CYB5A: variants seen among roughly 807,000 people sequenced by gnomAD.
CYB5A encodes cytochrome b5.
A neutral mutation model predicts 16.2 loss-of-function variants in CYB5A; 10 were observed. The ratio of observed to expected loss-of-function variants is 0.62; its 90% CI spans 0.38 to 1.04. The LOEUF (loss-of-function observed/expected upper bound fraction) is 1.04, where lower values mean the gene tolerates loss of function less well. CYB5A is among the 50% of genes least tolerant of loss of function. The pLI is 0.01. For missense variants in CYB5A, 161 were observed against 165.9 expected (o/e 0.97, Z 0.16); for synonymous variants, 62 against 57.0 (o/e 1.09, Z -0.40).
At chr18:74,286,512 T>G (rs1442325341) in intron 1 of CYB5A, among the ~76,000 whole-genome samples, 1 of 152,222 alleles carries the variant, frequency 6.6e-6, no homozygotes, top group Non-Finnish European at 1.5e-5. Flanking sequence ...CTACATATTT[T>G]TTCCAGTGTT....
chr18:74,289,732 C>T (rs1050467914), intron 1 of CYB5A, among the ~76,000 whole-genome samples: 2 of 148,138 alleles, frequency 1.4e-5, no homozygotes, highest in African/African-American at 5.0e-5. Context: ...GTCGAGATCA[C>T]ACCATTGCAC....
intron 1 of CYB5A, among the ~76,000 whole-genome samples, chr18:74,285,661 C>T (rs1310075360): frequency 6.6e-6 from 1 of 151,852 alleles, no homozygotes; most frequent in East Asian, 1.9e-4. Context: ...CCTAGGAGTT[C>T]GAGACCAGCC....
chr18:74,254,501 G>A (rs1275886951), intron 4 of CYB5A, among the ~76,000 whole-genome samples: 3 of 149,492 alleles, frequency 2.0e-5, no homozygotes, highest in African/African-American at 4.9e-5. Context: ...AAGGAGGGAT[G>A]AGCTATAATT....
intron 1 of CYB5A, among the ~76,000 whole-genome samples, chr18:74,288,221 G>C (rs967758462): frequency 2.6e-5 from 4 of 152,202 alleles, no homozygotes; most frequent in Non-Finnish European, 5.9e-5. Context: ...TTCAACCTGT[G>C]TTCTTGGCTT....
chr18:74,262,543 G>A (rs888319639), intron 2 of CYB5A, among the ~76,000 whole-genome samples: 6 of 152,178 alleles, frequency 3.9e-5, no homozygotes, highest in Admixed American at 1.3e-4. Flanking sequence ...TGATATTCTC[G>A]AAGGTCTGGG....
intron 2 of CYB5A, among the ~76,000 whole-genome samples, chr18:74,261,994 C>G (rs902709240): frequency 1.3e-5 from 2 of 152,182 alleles, no homozygotes; most frequent in African/African-American, 2.4e-5. Context: ...GCTGAGTGTG[C>G]GGCCCCAGGA....
intron 1 of CYB5A, among the ~76,000 whole-genome samples, chr18:74,269,054 C>A (rs1424226227): frequency 6.6e-6 from 1 of 152,248 alleles, no homozygotes; most frequent in South Asian, 2.1e-4. Context: ...AGGAAATATG[C>A]TTTAAAAGAT....
chr18:74,265,350 T>C (rs149670308), intron 1 of CYB5A, among the ~76,000 whole-genome samples: 111 of 152,316 alleles, frequency 7.3e-4, no homozygotes, highest in African/African-American at 2.4e-3. Flanking sequence ...TAATGTTGGA[T>C]AGAAACTGTG....
At chr18:74,276,192 C>T (rs1982867951) in intron 1 of CYB5A, among the ~76,000 whole-genome samples, 1 of 152,110 alleles carries the variant, frequency 6.6e-6, no homozygotes, top group Admixed American at 6.5e-5. Context: ...CCTTCAGAGA[C>T]TCAACATCCT....
In CYB5A at chr18:74,252,618, A is replaced by G. The variant is rs1381858649; in HGVS notation, c.*966T>C. ...TAAGCTGAGAGAATGGACAGTTGCG[A>G]TGCCCTCTCATGGTTCATGTGTTTT... On this transcript the variant is annotated 3_prime_UTR_variant, in exon 5 of 5. Transcript: ENST00000340533. The G allele has an allele frequency of 6.6e-6, 1 of 152,216 alleles. No homozygotes were observed. Among genetic ancestry groups the G allele is most frequent in the Non-Finnish European group, 1.5e-5 (1 of 68,052 alleles). The allele number at this position is 152,216 out of a possible 1,614,324, so 9.4% of individuals were successfully genotyped here. A position where few individuals can be genotyped will look rare whatever the true frequency, so the allele number is the denominator to read the frequency against.
intron 1 of CYB5A, among the ~76,000 whole-genome samples, chr18:74,290,626 C>T (rs756253613): frequency 2.0e-5 from 3 of 152,176 alleles, no homozygotes; most frequent in Non-Finnish European, 4.4e-5. Flanking sequence ...TGTGATCCAG[C>T]TCAGACCAGG....
chr18:74,276,620 G>T (rs527471371), intron 1 of CYB5A, among the ~76,000 whole-genome samples: 1 of 151,446 alleles, frequency 6.6e-6, no homozygotes, highest in African/African-American at 2.4e-5. Flanking sequence ...AGTCAAAAGC[G>T]TATGCAAAAC....
chr18:74,255,646 G>A, intron 4 of CYB5A, 95 bp downstream of exon 4: 1 of 1,011,210 alleles, frequency 9.9e-7, no homozygotes, highest in Non-Finnish European at 1.6e-6. Context: ...ACAGTGTCAG[G>A]CCCAGGAACC....
intron 1 of CYB5A, among the ~76,000 whole-genome samples, chr18:74,263,915 T>C (rs1355648635): frequency 6.7e-6 from 1 of 149,614 alleles, no homozygotes; most frequent in Non-Finnish European, 1.5e-5. Flanking sequence ...CTCAAAAAGA[T>C]AAAAGTAAAA....
intron 1 of CYB5A, among the ~76,000 whole-genome samples, chr18:74,282,740 A>G (rs1292120200): frequency 1.3e-5 from 2 of 152,192 alleles, no homozygotes; most frequent in East Asian, 1.9e-4. Context: ...CAATGTGATC[A>G]GGTGTGGGCA....
chr18:74,272,530 A>C (rs1982708749), intron 1 of CYB5A, among the ~76,000 whole-genome samples: 1 of 152,202 alleles, frequency 6.6e-6, no homozygotes, highest in Admixed American at 6.5e-5. Context: ...TTCTAACAAG[A>C]GGTAAAGTGA....
intron 1 of CYB5A, among the ~76,000 whole-genome samples, chr18:74,290,491 C>T (rs1420297560): frequency 6.6e-6 from 1 of 152,104 alleles, no homozygotes; most frequent in Non-Finnish European, 1.5e-5. Context: ...GTGATCCACC[C>T]GCCTCAGCCT....
rs1015451490 is a variant in CYB5A, at chr18:74,288,567, G to A, written c.129+3180C>T. Among the ~76,000 whole-genome samples, 7 of 152,358 alleles carry A rather than the reference G, an allele frequency of 4.6e-5. No individual in the cohort carries two copies. The East Asian group carries it at 1.3e-3, about 29-fold the overall frequency. ...GAAAGAGGATCGGGCAAGCGGGGAA[G>A]AGAGACAGAGACATTCTGCACTCAT... On this transcript the variant is annotated intron_variant, in intron 1 of 4. Coordinates refer to ENST00000340533, the MANE Select transcript of CYB5A (RefSeq NM_148923.4).
chr18:74,272,163 C>T (rs1166703829), intron 1 of CYB5A, among the ~76,000 whole-genome samples: 1 of 152,194 alleles, frequency 6.6e-6, no homozygotes, highest in Non-Finnish European at 1.5e-5. Context: ...AGCCTATGCC[C>T]CTTTCTCATT....
Sources: gnomAD v4.1 joint callset for allele counts (sites outside exome capture counted in the v4.1 genomes callset) on GRCh38, gnomAD v4.1.1 for gene constraint, MANE v1.5 for transcripts, NCBI Gene and HGNC (gene_info 2026-07-23, HGNC 2026-07-21) for gene names.